LRFN5: variants seen among roughly 807,000 people sequenced by gnomAD.
LRFN5 encodes the protein leucine rich repeat and fibronectin type III domain containing 5.
Under a neutral mutation model 45.6 loss-of-function variants are expected in LRFN5, and 24 were observed. That is an observed-to-expected ratio of 0.53 (90% CI 0.38 to 0.74). The LOEUF (loss-of-function observed/expected upper bound fraction) is 0.74, where lower values mean the gene tolerates loss of function less well. Among genes scored for constraint, LRFN5 ranks in the 30% least tolerant of loss-of-function variants. The pLI is 0.00. For missense variants in LRFN5, 776 were observed against 861.5 expected (o/e 0.90, Z 1.24); for synonymous variants, 340 against 313.8 (o/e 1.08, Z -0.88).
chr14:41,842,699 G>A (rs1449660960), intron 2 of LRFN5, among the ~76,000 whole-genome samples: 1 of 152,114 alleles, frequency 6.6e-6, no homozygotes, highest in African/African-American at 2.4e-5. Flanking sequence ...CTTTTCTTCA[G>A]TGGATGTATA....
Position 41,841,412 on chromosome 14 carries a change from A to T in LRFN5, c.-20-45194A>T, listed in dbSNP as rs184585984. ...CCCTTTGAATTATTTTATAAATCTC[A>T]TTGGTTTAAGTATGTTTGTATGTGT... is the stretch of plus-strand genomic sequence containing the variant. On this transcript the variant is annotated intron_variant, in intron 2 of 5. Coordinates refer to ENST00000298119, the MANE Select transcript of LRFN5 (RefSeq NM_152447.5). Among the ~76,000 whole-genome samples, 647 of 152,022 alleles carry T rather than the reference A, an allele frequency of 4.3e-3. 6 individuals are homozygous for T. Among genetic ancestry groups the T allele is most frequent in the Admixed American group, 0.016 (245 of 15,264 alleles).
chr14:41,853,418 T>G (rs1889342272), intron 2 of LRFN5, among the ~76,000 whole-genome samples: 1 of 151,910 alleles, frequency 6.6e-6, no homozygotes, highest in South Asian at 2.1e-4. Context: ...AAGTTAAGCG[T>G]GTATTTTCAG....
intron 2 of LRFN5, among the ~76,000 whole-genome samples, chr14:41,778,026 G>A (rs2138909382): frequency 6.8e-6 from 1 of 146,642 alleles, no homozygotes; most frequent in African/African-American, 2.5e-5. Context: ...GGGGGGGATT[G>A]AGAGGGGAAG....
At position 41,891,877 on chromosome 14, in the gene LRFN5, C is replaced by T. The variant is rs1566509527; in HGVS notation, c.2013C>T (p.Asn671=). ...TNVESQNTNR[N]NSTALQLASR... ...TTGAATCCCAAAACACTAACAGGAA[C>T]AACTCAACTGCCTTGCAGTTAGCTA... The change falls in exon 4 of 6, where the codon AAC becomes AAT. Residue 671 remains asparagine (N), a synonymous_variant. Transcript: ENST00000298119. 2 of 1,614,198 alleles carry T rather than the reference C, an allele frequency of 1.2e-6. No individual in the cohort carries two copies. Among genetic ancestry groups the T allele is most frequent in the South Asian group, 2.2e-5 (2 of 91,082 alleles).
At chr14:41,791,964 CT>C (rs1886937102) in intron 2 of LRFN5, among the ~76,000 whole-genome samples, 1 of 152,074 alleles carries the variant, frequency 6.6e-6, no homozygotes, top group South Asian at 2.1e-4. Flanking sequence ...ATTTATTATG[CT>C]TTTGCAGCAA....
At chr14:41,898,574 T>A (rs1305119309) in intron 4 of LRFN5, among the ~76,000 whole-genome samples, 1 of 152,062 alleles carries the variant, frequency 6.6e-6, no homozygotes, top group Non-Finnish European at 1.5e-5. Context: ...AGATGAAATG[T>A]CAACTGTGAG....
intron 1 of LRFN5, among the ~76,000 whole-genome samples, chr14:41,729,285 G>A (rs1016346210): frequency 6.6e-6 from 1 of 152,010 alleles, no homozygotes; most frequent in African/African-American, 2.4e-5. Context: ...TTAAAAGAGT[G>A]TAGCACCTCC....
chr14:41,733,586 A>G (rs1429035275), intron 1 of LRFN5: 1 of 152,138 alleles, frequency 6.6e-6, no homozygotes. Context: ...AGAAGACATC[A>G]AACAGTAGGT....
chr14:41,753,525 G>A (rs993458697), intron 1 of LRFN5, among the ~76,000 whole-genome samples: 16 of 152,018 alleles, frequency 1.1e-4, no homozygotes, highest in African/African-American at 3.9e-4. Flanking sequence ...TCTCTTTGAA[G>A]CAATTGTGAA....
chr14:41,629,121 A>T (rs1425143967), intron 1 of LRFN5, among the ~76,000 whole-genome samples: 1 of 152,226 alleles, frequency 6.6e-6, no homozygotes, highest in Non-Finnish European at 1.5e-5. Flanking sequence ...AAAAAAATAC[A>T]TTCTGCAGTT....
chr14:41,857,053 A>G (rs927921466), intron 2 of LRFN5, among the ~76,000 whole-genome samples: 1 of 152,132 alleles, frequency 6.6e-6, no homozygotes, highest in African/African-American at 2.4e-5. Context: ...TATTTTCACA[A>G]CAAAATTCAG....
intron 1 of LRFN5, among the ~76,000 whole-genome samples, chr14:41,724,919 A>G (rs1883868687): frequency 6.6e-6 from 1 of 152,062 alleles, no homozygotes; most frequent in Admixed American, 6.5e-5. Flanking sequence ...AGCCTTGTAG[A>G]TTTTGAAGGA....
chr14:41,879,880 A>AT (rs1453987639), intron 2 of LRFN5, among the ~76,000 whole-genome samples: 1 of 64,416 alleles, frequency 1.6e-5, no homozygotes, highest in Non-Finnish European at 3.5e-5. Flanking sequence ...GGTTTCTCTC[A>AT]TTTTTTCTTA....
At chr14:41,650,275 A>C (rs1343982194) in intron 1 of LRFN5, among the ~76,000 whole-genome samples, 1 of 142,858 alleles carries the variant, frequency 7.0e-6, no homozygotes, top group Non-Finnish European at 1.5e-5. Context: ...ACAAAAAAAA[A>C]AAAGATACTT....
chr14:41,659,526 C>A (rs1183330951), intron 1 of LRFN5, among the ~76,000 whole-genome samples: 1 of 152,026 alleles, frequency 6.6e-6, no homozygotes, highest in African/African-American at 2.4e-5. Context: ...GTGCATGTGT[C>A]TTTATAGTAG....
At chr14:41,790,449 G>A (rs750215327) in intron 2 of LRFN5, among the ~76,000 whole-genome samples, 4 of 151,080 alleles carry the variant, frequency 2.6e-5, no homozygotes, top group East Asian at 1.9e-4. Flanking sequence ...AGTTCTTATC[G>A]CTACTATTTC....
intron 1 of LRFN5, among the ~76,000 whole-genome samples, chr14:41,742,274 G>A (rs1307272846): frequency 6.7e-6 from 1 of 149,298 alleles, no homozygotes. Flanking sequence ...AAGCAACCTG[G>A]TTTTATTAAA....
At chr14:41,658,828 T>G (rs1448240917) in intron 1 of LRFN5, among the ~76,000 whole-genome samples, 2 of 151,988 alleles carry the variant, frequency 1.3e-5, no homozygotes. Flanking sequence ...TGTGTAATTT[T>G]TATTAACTAA....
intron 2 of LRFN5, among the ~76,000 whole-genome samples, chr14:41,826,922 A>AAAATAAGTAATTATTTTGATTCACG (rs1888317241): frequency 2.0e-5 from 3 of 152,236 alleles, no homozygotes; most frequent in Admixed American, 2.0e-4. Context: ...TTTGATTCAC[A>AAAATAAGTAATTATTTTGATTCACG]AAATAAGTAA....
Sources: gnomAD v4.1 joint callset for allele counts (sites outside exome capture counted in the v4.1 genomes callset) on GRCh38, gnomAD v4.1.1 for gene constraint, MANE v1.5 for transcripts, NCBI Gene and HGNC (gene_info 2026-07-23, HGNC 2026-07-21) for gene names.